PLEKHN1: variants seen among roughly 807,000 people sequenced by gnomAD.
PLEKHN1 encodes pleckstrin homology domain-containing family N member 1.
Under a neutral mutation model 72.8 loss-of-function variants are expected in PLEKHN1, and 68 were observed. That is an observed-to-expected ratio of 0.93 (90% CI 0.77 to 1.14). The LOEUF is 1.14. PLEKHN1 is among the 50% of genes most tolerant of loss of function. The pLI is 0.00. For synonymous variants in PLEKHN1, 454 were observed against 371.6 expected (o/e 1.22, Z -2.55); for missense variants, 1,015 against 840.5 (o/e 1.21, Z -2.57).
At chr1:971,584 C>T in intron 8 of PLEKHN1, 180 bp downstream of exon 8, 1 of 643,308 alleles carries the variant, frequency 1.6e-6, no homozygotes, top group South Asian at 1.8e-5. Flanking sequence ...GAGCCCCTGC[C>T]CGCCCTGAGG....
intron 6 of PLEKHN1, 29 bp downstream of exon 6, chr1:971,035 C>A: frequency 8.5e-7 from 1 of 1,179,214 alleles, no homozygotes; most frequent in Non-Finnish European, 1.3e-6. Flanking sequence ...ACCCCCCTCC[C>A]CACCCTGATC....
In PLEKHN1 at chr1:970,159, A is replaced by T. The variant is rs1255498123; in HGVS notation, c.184-118A>T. ...GCCTGTGGGGGGCTGTTCTTCACATATGTGTTGTGTGGCTATGCACAGGCA... is the reference window on the plus strand; with the variant it reads ...GCCTGTGGGGGGCTGTTCTTCACATTTGTGTTGTGTGGCTATGCACAGGCA... On this transcript the variant is annotated intron_variant, in intron 2 of 15. Transcript: ENST00000379410. This position sits in a 1 kb window ranked among gnomAD's most constrained non-coding sequence, Gnocchi z 4.2. The T allele has an allele frequency of 3.4e-5, 37 of 1,103,634 alleles. No individual in the cohort carries two copies. Among genetic ancestry groups the T allele is most frequent in the Admixed American group, 1.3e-4 (5 of 39,276 alleles). The allele number at this position is 1,103,634 out of a possible 1,614,324, so 68.4% of individuals were successfully genotyped here.
intron 2 of PLEKHN1, among the ~76,000 whole-genome samples, chr1:968,920 ACC>A (rs942667064): frequency 2.0e-5 from 3 of 152,082 alleles, no homozygotes; most frequent in Admixed American, 6.6e-5. Context: ...CACTGCCAGG[ACC>A]CCGTTGTCCC....
At position 974,064 on chromosome 1, in the gene PLEKHN1, C is replaced by T; in HGVS notation, c.1653+13C>T. On this transcript the variant is annotated intron_variant, in intron 14 of 15. Coordinates refer to ENST00000379410, the MANE Select transcript of PLEKHN1 (RefSeq NM_032129.3). ...CGCCCCTCAGCTTGTGAGTAGCAGCCCCCACGCCCGTGTGCCCCGGGCTCC... is the reference window on the plus strand; with the variant it reads ...CGCCCCTCAGCTTGTGAGTAGCAGCTCCCACGCCCGTGTGCCCCGGGCTCC... 2 of 1,565,068 alleles carry T rather than the reference C, an allele frequency of 1.3e-6. No homozygotes were observed. The highest frequency in any genetic ancestry group is 1.7e-6 in the Non-Finnish European group (2 of 1,158,958).
chr1:966,831 G>T (rs1342512921), intron 2 of PLEKHN1, 28 bp downstream of exon 2: 2 of 1,533,572 alleles, frequency 1.3e-6, no homozygotes, highest in Non-Finnish European at 1.8e-6. Context: ...GGTGGCTGTG[G>T]TCTGGGAGCG....
chr1:974,110 G>A, intron 14 of PLEKHN1, 59 bp downstream of exon 14: 1 of 1,518,888 alleles, frequency 6.6e-7, no homozygotes, highest in Non-Finnish European at 8.9e-7. Context: ...GGGGTCTGGT[G>A]TGGGGCCTCT....
chr1:969,812 C>T (rs574382701), intron 2 of PLEKHN1, among the ~76,000 whole-genome samples: 16 of 151,824 alleles, frequency 1.1e-4, no homozygotes, highest in African/African-American at 3.9e-4. Context: ...TATGTGTGCG[C>T]ATATATGGAT....
rs61732689 is a variant in PLEKHN1 at position 972,943 on chromosome 1, G to A, written c.1085G>A (p.Arg362His). Residue 362 changes from arginine (R) to histidine (H), a missense_variant, in exon 11 of 16, where the codon CGC becomes CAC. Arg to His is a conservative substitution (Grantham distance 29). Transcript: ENST00000379410. ...DSGCLAPPST[R>H]TSHSLPESSV... ...GGGTGCTTGGCGCCCCCCTCCACCC[G>A]CACCAGCCACTCCCTGCCTGAGTCC... The A allele has an allele frequency of 2.1e-3, 3,321 of 1,566,714 alleles. 58 individuals carry two copies. In the African/African-American group the frequency reaches 0.04, roughly 19 times the overall value.
In PLEKHN1 at chr1:972,133, G is replaced by T; in HGVS notation, c.848G>T (p.Arg283Leu). 1 of 1,613,050 alleles carries T rather than the reference G, an allele frequency of 6.2e-7. No individual in the cohort carries two copies. The highest frequency in any genetic ancestry group is 8.5e-7 in the Non-Finnish European group (1 of 1,179,864). The change falls in exon 9 of 16, where the codon CGC becomes CTC. Residue 283 changes from arginine (R) to leucine (L), a missense_variant. Physicochemically the swap from Arg to Leu is moderately radical, Grantham distance 102 (BLOSUM62 -2). Coordinates refer to ENST00000379410, the MANE Select transcript of PLEKHN1 (RefSeq NM_032129.3). ...CTGGAGGAGAAGGAGAAGCAGATCC[G>T]CTCCTTCCTGATTGAAGGTAGGGCC... The part of the protein sequence containing the change: ...INLEEKEKQI[R>L]SFLIEGPLIN...
chr1:972,575 G>A (rs955180657), intron 10 of PLEKHN1, 151 bp downstream of exon 10: 35 of 1,077,210 alleles, frequency 3.2e-5, no homozygotes, highest in Non-Finnish European at 4.5e-5. Flanking sequence ...AGATCAGCCT[G>A]ACCGACGTGG....
At position 973,641 on chromosome 1, in the gene PLEKHN1, G is replaced by A. The variant is rs1570049222; in HGVS notation, c.1434+1G>A. ...CACAGATGTCCGGGGCCTGGAGGAGGTCAGGCCCCTGCTGGGTGACAGAAA... is the reference window on the plus strand; with the variant it reads ...CACAGATGTCCGGGGCCTGGAGGAGATCAGGCCCCTGCTGGGTGACAGAAA... On this transcript the variant is annotated splice_donor_variant, in intron 13 of 15. Transcript: ENST00000379410. LOFTEE classifies it high-confidence loss of function. 1 of 1,612,270 alleles carries A rather than the reference G, an allele frequency of 6.2e-7. No homozygotes were observed. The highest frequency in any genetic ancestry group is 8.5e-7 in the Non-Finnish European group (1 of 1,179,862).
At chr1:966,875 T>G in intron 2 of PLEKHN1, 72 bp downstream of exon 2, 1 of 1,467,590 alleles carries the variant, frequency 6.8e-7, no homozygotes. Flanking sequence ...CGTGTGTCCG[T>G]GCAGCTCAGG....
rs772096971 is a variant in PLEKHN1, at chr1:970,384, G to T, written c.291G>T (p.Val97=). The change falls in exon 3 of 16, where the codon GTG becomes GTT. Residue 97 remains valine, a synonymous_variant. Transcript: ENST00000379410. This position sits in a 1 kb window ranked among gnomAD's most constrained non-coding sequence, Gnocchi z 4.2. ...RVPVRNLGKV[V]HYAKVQLRFQ... ...CTGTGAGGAACCTGGGAAAAGTTGT[G>T]CATTACGCCAAGGTCCAGCTGCGGT... The T allele has an allele frequency of 1.9e-6, 3 of 1,613,524 alleles. No homozygotes were observed. The South Asian group carries it at 3.3e-5, about 18-fold the overall frequency.
intron 10 of PLEKHN1, 22 bp from the exon 11 acceptor site, chr1:972,839 C>T (rs1570043747): frequency 5.2e-6 from 8 of 1,530,798 alleles, no homozygotes; most frequent in East Asian, 2.5e-5. Context: ...CCCTCACTCA[C>T]CCCCACTCAC....
rs369391763 is a variant in PLEKHN1 at position 973,937 on chromosome 1, C to T, written c.1539C>T (p.Gly513=). ...CTGACCCTCGCTCCTGCTCCTCCGGCCCCGCTGGCCCCTACTTGCTCTCCA... is the reference window on the plus strand; with the variant it reads ...CTGACCCTCGCTCCTGCTCCTCCGGTCCCGCTGGCCCCTACTTGCTCTCCA... The part of the protein sequence containing the change: ...PASDPRSCSS[G]PAGPYLLSKK... Residue 513 remains glycine (G), a synonymous_variant, in exon 14 of 16, where the codon GGC becomes GGT. Transcript: ENST00000379410. 2 of 1,611,014 alleles carry T rather than the reference C, an allele frequency of 1.2e-6. No individual in the cohort carries two copies. Among genetic ancestry groups the T allele is most frequent in the Non-Finnish European group, 8.5e-7 (1 of 1,179,832 alleles).
chr1:969,133 A>G (rs989960536), intron 2 of PLEKHN1, among the ~76,000 whole-genome samples: 2 of 152,202 alleles, frequency 1.3e-5, no homozygotes, highest in Non-Finnish European at 2.9e-5. Flanking sequence ...ACCATACAAT[A>G]CTGCAGACGT....
In PLEKHN1 at chr1:970,502, G is replaced by A. The variant is rs370980172; in HGVS notation, c.331-19G>A. 3.3e-5 allele frequency: 53 copies of A among 1,612,912 alleles called. No individual in the cohort carries two copies. Among genetic ancestry groups the A allele is most frequent in the Non-Finnish European group, 4.0e-5 (47 of 1,179,950 alleles). ...GGGGCTCCCCAGACTCCGCACTGAC[G>A]ACCCTGCTCCCCGCGCAGGATGTCA... On this transcript the variant is annotated intron_variant, in intron 3 of 15. Transcript: ENST00000379410. This position sits in a 1 kb window ranked among gnomAD's most constrained non-coding sequence, Gnocchi z 4.2.
At chr1:971,483 C>T in intron 8 of PLEKHN1, 79 bp downstream of exon 8, 1 of 1,337,080 alleles carries the variant, frequency 7.5e-7, no homozygotes, top group East Asian at 2.5e-5. Flanking sequence ...GCAGGAGGAA[C>T]CTGTATTTCG....
At position 973,895 on chromosome 1, in the gene PLEKHN1, T is replaced by C; in HGVS notation, c.1497T>C (p.Pro499=). The change falls in exon 14 of 16, where the codon CCT becomes CCC. Residue 499 remains proline, a synonymous_variant. Coordinates refer to ENST00000379410, the MANE Select transcript of PLEKHN1 (RefSeq NM_032129.3). ...CCTCGAGCCCACTCCCCTCGGTGCC[T>C]GTGTCTGTGCCTGCCTCTGACCCTC... The part of the protein sequence containing the change: ...PTPSSPLPSV[P]VSVPASDPRS... The C allele has an allele frequency of 3.1e-6, 5 of 1,611,174 alleles. No homozygotes were observed. The highest frequency in any genetic ancestry group is 4.2e-6 in the Non-Finnish European group (5 of 1,179,838).
Sources: gnomAD v4.1 joint callset for allele counts (sites outside exome capture counted in the v4.1 genomes callset) on GRCh38, gnomAD v4.1.1 for gene constraint, Gnocchi (gnomAD v3.1) non-coding constraint, MANE v1.5 for transcripts, NCBI Gene and HGNC (gene_info 2026-07-23, HGNC 2026-07-21) for gene names.